The following LZIC variants were observed in gnomAD, a reference collection of about 807,000 sequenced individuals.
The protein encoded by LZIC is leucine zipper and CTNNBIP1 domain containing.
In LZIC, 28 loss-of-function variants were observed where a neutral mutation model predicts 25.4. That is an observed-to-expected ratio of 1.10 (90% CI 0.82 to 1.51). The LOEUF (loss-of-function observed/expected upper bound fraction) is 1.51. Among genes scored for constraint, LZIC ranks in the 40% most tolerant of loss-of-function variants. The pLI is 0.00. For synonymous variants in LZIC, 65 were observed against 70.7 expected, an observed-to-expected ratio of 0.92 and a Z score of 0.40; for missense variants, 170 against 211.1, an observed-to-expected ratio of 0.81 and a Z score of 1.21.
downstream of LZIC, among the ~76,000 whole-genome samples, chr1:9,923,708 A>G (rs1639914485): frequency 6.6e-6 from 1 of 151,834 alleles, no homozygotes; most frequent in Non-Finnish European, 1.5e-5. Context: ...AGAGAAAAAA[A>G]TATTTTAAAT....
intron 2 of LZIC, among the ~76,000 whole-genome samples, chr1:9,939,146 C>A (rs1024994897): frequency 6.6e-6 from 1 of 152,006 alleles, no homozygotes; most frequent in Admixed American, 6.6e-5. Flanking sequence ...GGCACGATTT[C>A]GGCTCACTGC....
At position 9,935,592 on chromosome 1, in the gene LZIC, T is replaced by C. The variant is rs1425776307; in HGVS notation, c.137A>G (p.Lys46Arg). The C allele has an allele frequency of 1.2e-6, 2 of 1,611,154 alleles. No homozygotes were observed. Among genetic ancestry groups the C allele is most frequent in the African/African-American group, 2.7e-5 (2 of 74,766 alleles). The stretch of plus-strand genomic sequence containing the variant: ...ACTTAGTTGCTCCAGAGTTTCCTTT[T>C]TGGTTTCTTCATATTCATCTGTATC... Reference protein sequence around the residue: ...ELDTDEYEETKKETLEQLSEF... With the variant: ...ELDTDEYEETRKETLEQLSEF... Residue 46 changes from lysine to arginine, a missense_variant, in exon 4 of 8, where the codon AAA becomes AGA. Coordinates refer to ENST00000377223, the MANE Select transcript of LZIC (RefSeq NM_032368.5).
chr1:9,931,116 G>A (rs183536987), intron 7 of LZIC, among the ~76,000 whole-genome samples: 1 of 152,068 alleles, frequency 6.6e-6, no homozygotes, highest in Non-Finnish European at 1.5e-5. Flanking sequence ...ACCCAGGCTG[G>A]AGTACAATGG....
intron 2 of LZIC, among the ~76,000 whole-genome samples, chr1:9,937,625 T>C (rs1233987580): frequency 4.0e-5 from 6 of 151,346 alleles, no homozygotes; most frequent in East Asian, 1.9e-4. Context: ...GGTGGGAGGA[T>C]TGCTTGAGCC....
At chr1:9,942,199 G>C (rs1359700948) in intron 2 of LZIC, among the ~76,000 whole-genome samples, 1 of 152,202 alleles carries the variant, frequency 6.6e-6, no homozygotes, top group East Asian at 1.9e-4. Flanking sequence ...TTACAGGCGT[G>C]AGTCACCGCG....
chr1:9,934,643 A>G, intron 5 of LZIC, 119 bp downstream of exon 5: 1 of 783,972 alleles, frequency 1.3e-6, no homozygotes, highest in Non-Finnish European at 2.2e-6. Context: ...TTTTGTCAGA[A>G]AATTGTTAGT....
In LZIC at chr1:9,929,223, G is replaced by T; in HGVS notation, c.*1176C>A. On this transcript the variant is annotated 3_prime_UTR_variant, in exon 8 of 8. Transcript: ENST00000377223. ...AAGTTCCAAATAAGGCATCAGTGTA[G>T]CGGAGGTCCTCTAATCTGTCTGGTT... 1 of 709,120 alleles carries T rather than the reference G, an allele frequency of 1.4e-6. No homozygotes were observed. Among genetic ancestry groups the T allele is most frequent in the Non-Finnish European group, 1.7e-6 (1 of 577,794 alleles). 43.9% of individuals were successfully genotyped at this position (709,120 alleles called of 1,614,324 possible).
chr1:9,929,950 G>C lies in LZIC; in HGVS notation c.*449C>G. 1 of 967,718 alleles carries C rather than the reference G, an allele frequency of 1.0e-6. No homozygotes were observed. The highest frequency in any genetic ancestry group is 1.2e-6 in the Non-Finnish European group (1 of 813,820). The allele number at this position is 967,718 out of a possible 1,614,324, so 59.9% of individuals were successfully genotyped here. On this transcript the variant is annotated 3_prime_UTR_variant, in exon 8 of 8. Transcript: ENST00000377223. ...TTGTAAAAACAGAAATGATTTCTAA[G>C]ATCACTCAGAATTGTAAAATTCTAT...
At chr1:9,933,573 TACAG>T (rs1036249787) in intron 5 of LZIC, among the ~76,000 whole-genome samples, 1 of 152,062 alleles carries the variant, frequency 6.6e-6, no homozygotes, top group Non-Finnish European at 1.5e-5. Flanking sequence ...GTCATGTTTT[TACAG>T]ACAGAGAAAC....
At position 9,928,907 on chromosome 1, in the gene LZIC, G is replaced by T. The variant is rs1405715408; in HGVS notation, c.*1492C>A. On this transcript the variant is annotated 3_prime_UTR_variant, in exon 8 of 8. Transcript: ENST00000377223. ...AAGAAAAGAAAATATTATGCTAAGT[G>T]AAAGAAGCCAGATACATAAAAAGGT... is the stretch of plus-strand genomic sequence containing the variant. 1 of 151,178 alleles carries T rather than the reference G, an allele frequency of 6.6e-6. No homozygotes were observed. The highest frequency in any genetic ancestry group is 2.4e-5 in the African/African-American group (1 of 41,168). 9.4% of individuals were successfully genotyped at this position (151,178 alleles called of 1,614,324 possible). A position where few individuals can be genotyped will look rare whatever the true frequency, so the allele number is the denominator to read the frequency against.
chr1:9,938,312 C>G (rs1283102177), intron 2 of LZIC, among the ~76,000 whole-genome samples: 1 of 152,036 alleles, frequency 6.6e-6, no homozygotes, highest in East Asian at 1.9e-4. Context: ...CAAACACAGG[C>G]ACACACCACC....
rs111968566 is a variant in LZIC, at chr1:9,928,893, ATAT to A, written c.*1503_*1505del. ...AAAAAAAAAAAAAAAAGAAAAGAAA[ATAT>A]TATGCTAAGTGAAAGAAGCCAGATA... is the stretch of plus-strand genomic sequence containing the variant. On this transcript the variant is annotated 3_prime_UTR_variant, in exon 8 of 8. Coordinates refer to ENST00000377223, the MANE Select transcript of LZIC (RefSeq NM_032368.5). The A allele has an allele frequency of 0.099, 14,976 of 151,106 alleles. 881 individuals are homozygous for A. The highest frequency in any genetic ancestry group is 0.14 in the Admixed American group (2,076 of 15,090). The allele number at this position is 151,106 out of a possible 1,614,324, so 9.4% of individuals were successfully genotyped here.
rs773111528 is a variant in LZIC at position 9,932,794 on chromosome 1, T to A, written c.432+9A>T. ...TTTTCTTTGTAACTAATATATTAAA[T>A]ACTGGTACCTTCTCTCCAAGTTTCC... On this transcript the variant is annotated intron_variant, in intron 6 of 7. Transcript: ENST00000377223. The A allele has an allele frequency of 1.3e-6, 2 of 1,497,114 alleles. No individual in the cohort carries two copies. Among genetic ancestry groups the A allele is most frequent in the African/African-American group, 2.8e-5 (2 of 72,362 alleles). 92.7% of individuals were successfully genotyped at this position (1,497,114 alleles called of 1,614,324 possible). A position where few individuals can be genotyped will look rare whatever the true frequency, so the allele number is the denominator to read the frequency against.
In LZIC at chr1:9,931,885, A is replaced by G; in HGVS notation, c.514+6T>C. 6.2e-7 allele frequency: 1 copy of G among 1,603,402 alleles called. No homozygotes were observed. On this transcript the variant is annotated splice_donor_region_variant and intron_variant, in intron 7 of 7. Coordinates refer to ENST00000377223, the MANE Select transcript of LZIC (RefSeq NM_032368.5). Reference sequence around the variant, plus strand: ...GACCAGCTTTCAGAAATATGAGGGCACTCACCAAGGTCTGTAGAGACTTTC... The same window carrying G: ...GACCAGCTTTCAGAAATATGAGGGCGCTCACCAAGGTCTGTAGAGACTTTC...
chr1:9,934,823 G>C lies in LZIC; in HGVS notation c.275C>G (p.Pro92Arg). ...QAAISQAFKT[P>R]EVIRLFAKKQ... ...CTTTGCAAACAATCTGATGACCTCT[G>C]GGGTTTTAAAGGCCTGGCTGATAGC... The change falls in exon 5 of 8, where the codon CCA becomes CGA. Residue 92 changes from proline to arginine, a missense_variant. Physicochemically the swap from Pro to Arg is moderately radical, Grantham distance 103 (BLOSUM62 -2). Transcript: ENST00000377223. The C allele has an allele frequency of 6.2e-7, 1 of 1,614,036 alleles. No individual in the cohort carries two copies. Among genetic ancestry groups the C allele is most frequent in the Non-Finnish European group, 8.5e-7 (1 of 1,179,992 alleles).
chr1:9,932,659 G>A, intron 6 of LZIC, 144 bp downstream of exon 6: 1 of 526,830 alleles, frequency 1.9e-6, no homozygotes, highest in Non-Finnish European at 3.3e-6. Context: ...CTCCAGCCTG[G>A]GCAACAAGAG....
intron 7 of LZIC, among the ~76,000 whole-genome samples, chr1:9,930,758 C>T (rs925647556): frequency 1.6e-4 from 24 of 151,964 alleles, no homozygotes; most frequent in African/African-American, 5.6e-4. Flanking sequence ...TCGCTCTTGT[C>T]GCCCAGGCTG....
intron 2 of LZIC, among the ~76,000 whole-genome samples, chr1:9,939,542 C>CTTTTTTT (rs34837155): frequency 7.3e-5 from 6 of 81,962 alleles, no homozygotes; most frequent in African/African-American, 1.3e-4. Context: ...CCACATCTGC[C>CTTTTTTT]TTTTTTTTTT....
At chr1:9,931,744 C>A in intron 7 of LZIC, 147 bp downstream of exon 7, 1 of 524,858 alleles carries the variant, frequency 1.9e-6, no homozygotes, top group Non-Finnish European at 3.4e-6. Context: ...AAAACCAATA[C>A]AATGGATTTA....
Sources: allele counts gnomAD v4.1 joint callset (sites outside exome capture counted in the v4.1 genomes callset), GRCh38; gene constraint gnomAD v4.1.1; transcripts MANE v1.5; gene names NCBI Gene and HGNC (gene_info 2026-07-23, HGNC 2026-07-21).